The following SUPT3H variants were observed in gnomAD, a reference collection of about 807,000 sequenced individuals.
SUPT3H encodes the protein SPT3 homolog, SAGA and STAGA complex component, also known as transcription initiation protein SPT3 homolog.
Under a neutral mutation model 44.3 loss-of-function variants are expected in SUPT3H, and 44 were observed. The observed-to-expected ratio is 0.99, with a 90% CI of 0.78 to 1.28. SUPT3H has a LOEUF of 1.28. Ranked by LOEUF, SUPT3H falls within the 50% of genes most tolerant of loss-of-function variation. SUPT3H has a pLI of 0.00. For missense variants in SUPT3H, 380 were observed against 387.1 expected, an observed-to-expected ratio of 0.98 and a Z score of 0.15; for synonymous variants, 124 against 125.6, an observed-to-expected ratio of 0.99 and a Z score of 0.09.
At chr6:45,279,832 G>A (rs559116083) in intron 2 of SUPT3H, among the ~76,000 whole-genome samples, 1 of 152,224 alleles carries the variant, frequency 6.6e-6, no homozygotes, top group South Asian at 2.1e-4. Context: ...AATCTCTCCA[G>A]ACTCACATCC....
intron 10 of SUPT3H, among the ~76,000 whole-genome samples, chr6:44,882,178 C>T (rs941798432): frequency 6.6e-6 from 1 of 152,040 alleles, no homozygotes. Context: ...ATCAAATAGA[C>T]ACAATAAAAA....
intron 10 of SUPT3H, among the ~76,000 whole-genome samples, chr6:44,878,198 G>A (rs1777607239): frequency 6.6e-6 from 1 of 152,166 alleles, no homozygotes; most frequent in South Asian, 2.1e-4. Flanking sequence ...AAGTAATATA[G>A]AGCAGTGTTG....
chr6:44,934,750 T>C (rs1771146514), intron 9 of SUPT3H, among the ~76,000 whole-genome samples: 1 of 152,166 alleles, frequency 6.6e-6, no homozygotes, highest in Non-Finnish European at 1.5e-5. Context: ...AAACACTGAA[T>C]TTGCCAATGT....
chr6:45,057,991 A>T (rs572008543), intron 3 of SUPT3H, among the ~76,000 whole-genome samples: 2 of 152,318 alleles, frequency 1.3e-5, no homozygotes, highest in East Asian at 3.9e-4. Context: ...TATACACATG[A>T]AACAATGCCA....
intron 3 of SUPT3H, among the ~76,000 whole-genome samples, chr6:45,103,025 G>T (rs926656482): frequency 7.9e-5 from 12 of 151,540 alleles, no homozygotes; most frequent in African/African-American, 1.5e-4. Flanking sequence ...ACTACAAAGA[G>T]ATTTAAATGA....
chr6:44,983,629 T>G (rs1779392779), intron 6 of SUPT3H, among the ~76,000 whole-genome samples: 1 of 152,160 alleles, frequency 6.6e-6, no homozygotes, highest in South Asian at 2.1e-4. Context: ...GAAAATGGAC[T>G]TGGGGTTTTG....
rs58686446 is a variant in SUPT3H at position 45,336,738 on chromosome 6, T to C, written c.101+28463A>G. 5.1e-3 allele frequency among the ~76,000 whole-genome samples: 769 copies of C among 151,552 alleles called. 10 individuals are homozygous for C. The highest frequency in any genetic ancestry group is 0.018 in the African/African-American group (732 of 41,508). On this transcript the variant is annotated intron_variant, in intron 2 of 10. Coordinates refer to ENST00000371459, the MANE Select transcript of SUPT3H (RefSeq NM_003599.4). ...AGTATTTACTTACAAAGTAAATACA[T>C]ATTAGATGTACAAAAAGATAGGAAG...
At chr6:44,822,405 G>C (rs1561835652), downstream of SUPT3H, among the ~76,000 whole-genome samples, 1 of 152,220 alleles carries the variant, frequency 6.6e-6, no homozygotes, top group South Asian at 2.1e-4. Context: ...ATCCTAAAAG[G>C]CTCATTGTCT....
chr6:45,175,864 A>G (rs1426589315), intron 2 of SUPT3H, among the ~76,000 whole-genome samples: 2 of 152,250 alleles, frequency 1.3e-5, no homozygotes, highest in African/African-American at 4.8e-5. Context: ...GATACCAGTT[A>G]TTCTCATGTG....
intron 10 of SUPT3H, among the ~76,000 whole-genome samples, chr6:44,848,752 G>A (rs562676569): frequency 2.0e-5 from 3 of 152,266 alleles, no homozygotes; most frequent in African/African-American, 4.8e-5. Flanking sequence ...AAGCAGGGGG[G>A]ATTACTATGC....
At chr6:45,120,453 C>CAAAAAAAAAAA (rs1801499019) in intron 2 of SUPT3H, among the ~76,000 whole-genome samples, 1 of 95,912 alleles carries the variant, frequency 1.0e-5, no homozygotes, top group Non-Finnish European at 2.3e-5. Context: ...ACTATATAAG[C>CAAAAAAAAAAA]ATATATCCAA....
chr6:45,059,116 T>C (rs568422929), intron 3 of SUPT3H, among the ~76,000 whole-genome samples: 2 of 152,094 alleles, frequency 1.3e-5, no homozygotes, highest in South Asian at 4.1e-4. Context: ...AGTTTTGGTA[T>C]ACAGTACTGG....
At chr6:44,856,623 T>C (rs542190664) in intron 10 of SUPT3H, among the ~76,000 whole-genome samples, 1 of 152,330 alleles carries the variant, frequency 6.6e-6, no homozygotes, top group Non-Finnish European at 1.5e-5. Flanking sequence ...AGTTTCACTA[T>C]ATTTCAAATA....
intron 2 of SUPT3H, among the ~76,000 whole-genome samples, chr6:45,309,788 G>A (rs1308590645): frequency 6.6e-6 from 1 of 151,908 alleles, no homozygotes; most frequent in Non-Finnish European, 1.5e-5. Context: ...TTCAAATAAG[G>A]CTAACAGCAG....
intron 2 of SUPT3H, among the ~76,000 whole-genome samples, chr6:45,342,967 T>C (rs1313861724): frequency 6.6e-6 from 1 of 152,170 alleles, no homozygotes; most frequent in African/African-American, 2.4e-5. Flanking sequence ...TAGCGCCTAG[T>C]ACATAACCCT....
At chr6:44,815,878 A>G (rs1165453558) in intron 11 of SUPT3H, among the ~76,000 whole-genome samples, 1 of 151,914 alleles carries the variant, frequency 6.6e-6, no homozygotes, top group Non-Finnish European at 1.5e-5. Flanking sequence ...AACCGTGATT[A>G]CTTTTGCACC....
intron 3 of SUPT3H, among the ~76,000 whole-genome samples, chr6:45,056,173 A>G (rs1791090569): frequency 6.6e-6 from 1 of 152,170 alleles, no homozygotes; most frequent in Admixed American, 6.5e-5. Context: ...TCAAAAAATC[A>G]AAAAGTAATA....
chr6:45,244,765 C>T (rs371903702), intron 2 of SUPT3H, among the ~76,000 whole-genome samples: 2 of 152,128 alleles, frequency 1.3e-5, no homozygotes, highest in African/African-American at 4.8e-5. Context: ...TTCCTACTTC[C>T]CTATCTTCTA....
chr6:44,840,050 C>G (rs951525742), intron 10 of SUPT3H, among the ~76,000 whole-genome samples: 3 of 152,200 alleles, frequency 2.0e-5, no homozygotes, highest in African/African-American at 7.2e-5. Flanking sequence ...AATTCTTGTC[C>G]AAACTGGTTG....
Sources: gnomAD v4.1 joint callset for allele counts (sites outside exome capture counted in the v4.1 genomes callset) on GRCh38, gnomAD v4.1.1 for gene constraint, MANE v1.5 for transcripts, NCBI Gene and HGNC (gene_info 2026-07-23, HGNC 2026-07-21) for gene names.